SCFD2: variants seen among roughly 807,000 people sequenced by gnomAD.
SCFD2 encodes the protein sec1 family domain-containing protein 2.
A neutral mutation model predicts 58.9 loss-of-function variants in SCFD2; 54 were observed. The observed-to-expected ratio is 0.92, with a 90% CI of 0.74 to 1.15. The LOEUF is 1.15. Ranked by LOEUF, SCFD2 falls within the 50% of genes most tolerant of loss-of-function variation. SCFD2 has a pLI of 0.00. For synonymous variants in SCFD2, 321 were observed against 335.9 expected, an observed-to-expected ratio of 0.96 and a Z score of 0.49; for missense variants, 805 against 836.6, an observed-to-expected ratio of 0.96 and a Z score of 0.47.
At chr4:53,255,177 T>C (rs1466542590) in intron 4 of SCFD2, among the ~76,000 whole-genome samples, 1 of 150,640 alleles carries the variant, frequency 6.6e-6, no homozygotes, top group East Asian at 1.9e-4. Flanking sequence ...AGCAAATACT[T>C]CCTATTCTTT....
intron 5 of SCFD2, among the ~76,000 whole-genome samples, chr4:52,933,295 G>A (rs904647585): frequency 2.0e-5 from 3 of 151,982 alleles, no homozygotes; most frequent in African/African-American, 4.8e-5. Flanking sequence ...CTTCTTACCC[G>A]GCCCGACCCC....
chr4:52,904,028 G>A (rs1719286352), intron 7 of SCFD2, among the ~76,000 whole-genome samples: 2 of 152,102 alleles, frequency 1.3e-5, no homozygotes, highest in South Asian at 2.1e-4. Context: ...TTCATCACCC[G>A]CTGTGAGGGC....
intron 2 of SCFD2, among the ~76,000 whole-genome samples, chr4:53,329,166 G>A (rs6813560): frequency 0.47 from 71,923 of 152,098 alleles, 18,214 homozygotes; most frequent in Admixed American, 0.56. Flanking sequence ...CGAGGCTGGG[G>A]AAGAGGCGCC....
chr4:53,080,680 G>C (rs1724119808), intron 5 of SCFD2, among the ~76,000 whole-genome samples: 1 of 152,126 alleles, frequency 6.6e-6, no homozygotes. Context: ...GGGAGGGGTT[G>C]TGGGAAATCT....
chr4:52,895,704 G>A (rs1398541080), intron 7 of SCFD2, among the ~76,000 whole-genome samples: 2 of 152,166 alleles, frequency 1.3e-5, no homozygotes, highest in Admixed American at 6.5e-5. Flanking sequence ...GGATGGCTGG[G>A]TCAAATGGTA....
chr4:52,991,611 C>G (rs1032437157), intron 5 of SCFD2, among the ~76,000 whole-genome samples: 1 of 152,150 alleles, frequency 6.6e-6, no homozygotes, highest in Non-Finnish European at 1.5e-5. Context: ...GGATTAAGGG[C>G]CTGGTTACTA....
intron 5 of SCFD2, among the ~76,000 whole-genome samples, chr4:52,925,367 TATATAC>T (rs200082744): frequency 1.0e-4 from 15 of 149,428 alleles, no homozygotes; most frequent in African/African-American, 3.7e-4. Context: ...TATATATATA[TATATAC>T]ATGATCAACA....
intron 4 of SCFD2, among the ~76,000 whole-genome samples, chr4:53,226,361 A>G (rs759998615): frequency 2.6e-5 from 4 of 152,194 alleles, no homozygotes; most frequent in Non-Finnish European, 5.9e-5. Flanking sequence ...CAAAAAGACT[A>G]CTAGAAAATA....
In SCFD2 at chr4:52,944,838, A is replaced by T. The variant is rs559098139; in HGVS notation, c.1562-23968T>A. ...GGAAGGAGAAGGTGGCCTCCTTCTG[A>T]AGTCCCCTCCCTGGAGTCATTAAAT... is the stretch of plus-strand genomic sequence containing the variant. On this transcript the variant is annotated intron_variant, in intron 5 of 8. Coordinates refer to ENST00000401642, the MANE Select transcript of SCFD2 (RefSeq NM_152540.4). Among the ~76,000 whole-genome samples the T allele has an allele frequency of 2.6e-5, 4 of 152,282 alleles. No individual in the cohort carries two copies. In the South Asian group the frequency reaches 8.3e-4, roughly 32 times the overall value.
intron 5 of SCFD2, among the ~76,000 whole-genome samples, chr4:52,974,470 A>T (rs1175023259): frequency 6.6e-6 from 1 of 152,316 alleles, no homozygotes; most frequent in African/African-American, 2.4e-5. Context: ...AAGGGACATG[A>T]AGGACCTCTT....
intron 5 of SCFD2, among the ~76,000 whole-genome samples, chr4:52,968,884 C>A (rs147272646): frequency 1.3e-5 from 2 of 152,162 alleles, no homozygotes; most frequent in Non-Finnish European, 2.9e-5. Flanking sequence ...CTTGGCCAAA[C>A]GCCAGTTAGG....
chr4:53,052,944 A>G (rs71597820), intron 5 of SCFD2, among the ~76,000 whole-genome samples: 249 of 152,254 alleles, frequency 1.6e-3, no homozygotes, highest in Non-Finnish European at 3.1e-3. Flanking sequence ...AAAACAGGCC[A>G]GGCGCCATGG....
Position 52,891,235 on chromosome 4 carries a change from C to A in SCFD2, c.1843-5369G>T, listed in dbSNP as rs547004297. 1.1e-4 allele frequency among the ~76,000 whole-genome samples: 16 copies of A among 152,156 alleles called. No homozygotes were observed. In the South Asian group the frequency reaches 3.3e-3, roughly 32 times the overall value. ...TATTTATTGACCAACTACTGTGGGG[C>A]CAGACACCATTCTAAGCATCAGAGA... On this transcript the variant is annotated intron_variant, in intron 7 of 8. Coordinates refer to ENST00000401642, the MANE Select transcript of SCFD2 (RefSeq NM_152540.4).
rs187260551 is a variant in SCFD2, at chr4:53,259,343, T to C, written c.1311+14483A>G. The stretch of plus-strand genomic sequence containing the variant: ...CCGATGTTATCTTCTAGAATCTTTA[T>C]GGTTTCAGGTCATAGATGTAAGTCT... On this transcript the variant is annotated intron_variant, in intron 4 of 8. Coordinates refer to ENST00000401642, the MANE Select transcript of SCFD2 (RefSeq NM_152540.4). Among the ~76,000 whole-genome samples, 484 of 152,366 alleles carry C rather than the reference T, an allele frequency of 3.2e-3. 2 individuals carry two copies. The highest frequency in any genetic ancestry group is 5.0e-3 in the Non-Finnish European group (338 of 68,038).
intron 3 of SCFD2, among the ~76,000 whole-genome samples, chr4:53,302,483 C>T (rs1313760402): frequency 1.3e-5 from 2 of 151,768 alleles, no homozygotes; most frequent in Admixed American, 6.6e-5. Flanking sequence ...ATTCCATGCT[C>T]ATGGGTAGGA....
At position 53,159,264 on chromosome 4, in the gene SCFD2, T is replaced by C. The variant is rs191305833; in HGVS notation, c.1312-13682A>G. ...TCCTAATTACCCTGTAATATGGCTA[T>C]AATTATTACAGAGGAGGAAACTGAG... On this transcript the variant is annotated intron_variant, in intron 4 of 8. Transcript: ENST00000401642. Among the ~76,000 whole-genome samples, 1,133 of 152,366 alleles carry C rather than the reference T, an allele frequency of 7.4e-3. 8 individuals are homozygous for C. Among genetic ancestry groups the C allele is most frequent in the Middle Eastern group, 0.054 (16 of 294 alleles).
At chr4:53,310,478 G>A (rs1020661547) in intron 3 of SCFD2, among the ~76,000 whole-genome samples, 2 of 152,188 alleles carry the variant, frequency 1.3e-5, no homozygotes, top group African/African-American at 4.8e-5. Context: ...CATTTCTTCT[G>A]TGAGTGGCCA....
At chr4:53,226,050 C>A (rs1417289063) in intron 4 of SCFD2, among the ~76,000 whole-genome samples, 1 of 152,154 alleles carries the variant, frequency 6.6e-6, no homozygotes, top group Non-Finnish European at 1.5e-5. Context: ...GATCATCCTG[C>A]CTTGGCCTCC....
chr4:53,043,697 T>C (rs982054827), intron 5 of SCFD2, among the ~76,000 whole-genome samples: 24 of 152,230 alleles, frequency 1.6e-4, no homozygotes, highest in African/African-American at 5.5e-4. Flanking sequence ...AGAAAAGACT[T>C]TGTGAGGATA....
Sources: allele counts gnomAD v4.1 joint callset (sites outside exome capture counted in the v4.1 genomes callset), GRCh38; gene constraint gnomAD v4.1.1; transcripts MANE v1.5; gene names NCBI Gene and HGNC (gene_info 2026-07-23, HGNC 2026-07-21).